Variants in GON4L observed in about 807,000 individuals in gnomAD.
The protein encoded by GON4L is GON-4-like protein.
In GON4L, 87 loss-of-function variants were observed where a neutral mutation model predicts 211.8. That is an observed-to-expected ratio of 0.41 (90% CI 0.35 to 0.49). The LOEUF is 0.49. Ranked by LOEUF, GON4L falls within the 20% of genes least tolerant of loss-of-function variation. The pLI is 0.15. For synonymous variants in GON4L, 875 were observed against 962.6 expected (o/e 0.91, Z 1.68); for missense variants, 2,155 against 2,659.5 (o/e 0.81, Z 4.17).
intron 11 of GON4L, among the ~76,000 whole-genome samples, chr1:155,802,440 C>T (rs892357778): frequency 6.6e-6 from 1 of 152,082 alleles, no homozygotes; most frequent in Non-Finnish European, 1.5e-5. Flanking sequence ...CCTACAGAAT[C>T]CAGCATATAG....
chr1:155,769,185 A>C (rs919998445), intron 19 of GON4L, among the ~76,000 whole-genome samples: 1 of 152,072 alleles, frequency 6.6e-6, no homozygotes, highest in Non-Finnish European at 1.5e-5. Context: ...CATATTGCCC[A>C]GGCTGGTCTT....
intron 24 of GON4L, among the ~76,000 whole-genome samples, chr1:155,759,056 G>A (rs1319875261): frequency 1.3e-5 from 2 of 152,010 alleles, no homozygotes; most frequent in African/African-American, 2.4e-5. Context: ...GAGTGTAGTG[G>A]AGCAATCATG....
intron 10 of GON4L, among the ~76,000 whole-genome samples, chr1:155,807,300 A>G (rs866000614): frequency 6.6e-6 from 1 of 152,108 alleles, no homozygotes; most frequent in African/African-American, 2.4e-5. Flanking sequence ...TGCAAGAGCC[A>G]ACGTGGGAGG....
At chr1:155,858,987 G>A (rs1672484955), upstream of GON4L, among the ~76,000 whole-genome samples, 1 of 152,062 alleles carries the variant, frequency 6.6e-6, no homozygotes, top group African/African-American at 2.4e-5. Flanking sequence ...GAGCCACCGT[G>A]CCCGGCTGTT....
At chr1:155,806,506 A>G (rs1185787894) in intron 10 of GON4L, among the ~76,000 whole-genome samples, 3 of 151,972 alleles carry the variant, frequency 2.0e-5, no homozygotes, top group African/African-American at 7.3e-5. Flanking sequence ...TGCCCAGGCA[A>G]GTTTCAAACT....
At position 155,811,391 on chromosome 1, in the gene GON4L, CAAAAAAAAAA is replaced by C. The variant is rs777417019; in HGVS notation, c.1452+2233_1452+2242del. Reference sequence around the variant, plus strand: ...TAGAGGACAGAGCAAGACTCCGTCTCAAAAAAAAAAAAAAAAAAAAAAAAAAGAAAGAATA... The same window carrying C: ...TAGAGGACAGAGCAAGACTCCGTCTCAAAAAAAAAAAAAAAAGAAAGAATA... On this transcript the variant is annotated intron_variant, in intron 10 of 31. Transcript: ENST00000368331. 3.0e-4 allele frequency among the ~76,000 whole-genome samples: 10 copies of C among 33,168 alleles called. No homozygotes were observed. In the East Asian group the frequency reaches 3.3e-3, roughly 11 times the overall value. The allele number at this position is 33,168 out of a possible 152,430, so 21.8% of individuals were successfully genotyped here. A position where few individuals can be genotyped will look rare whatever the true frequency, so the allele number is the denominator to read the frequency against.
At chr1:155,812,143 G>GGT (rs2102171261) in intron 10 of GON4L, among the ~76,000 whole-genome samples, 1 of 152,172 alleles carries the variant, frequency 6.6e-6, no homozygotes, top group Admixed American at 6.6e-5. Context: ...ACTTTACAAT[G>GGT]GGAAAACCAA....
chr1:155,760,536 T>G lies in GON4L; in HGVS notation c.5017A>C (p.Lys1673Gln). 6.2e-7 allele frequency: 1 copy of G among 1,613,408 alleles called. No individual in the cohort carries two copies. The change falls in exon 24 of 32, where the codon AAA (lysine) becomes CAA (glutamine). Residue 1673 changes from lysine (K) to glutamine (Q), a missense_variant. Lys to Gln is a moderately conservative substitution (Grantham distance 53). Transcript: ENST00000368331. ...TQRRTAVDLY[K>Q]SLQILLQDWP... ...TCTTGGAGCAGAATTTGCAGGCTTT[T>G]GTAGAGATCTACAGCCGTCCGTCTC...
intron 22 of GON4L, among the ~76,000 whole-genome samples, chr1:155,762,596 A>G (rs1425046225): frequency 6.6e-6 from 1 of 152,270 alleles, no homozygotes; most frequent in Non-Finnish European, 1.5e-5. Context: ...ATAATCAGCT[A>G]CTTCATATTG....
upstream of GON4L, chr1:155,857,251 C>T (rs1314051086): frequency 6.6e-6 from 1 of 152,456 alleles, no homozygotes; most frequent in Admixed American, 6.5e-5. Flanking sequence ...CTCGGAGCGC[C>T]GCGCCGCAGT....
At position 155,820,646 on chromosome 1, in the gene GON4L, A is replaced by AT. The variant is rs1334268798; in HGVS notation, c.973dup (p.Met325AsnfsTer5). 1 of 1,608,012 alleles carries AT rather than the reference A, an allele frequency of 6.2e-7. No individual in the cohort carries two copies. Among genetic ancestry groups the AT allele is most frequent in the Admixed American group, 1.7e-5 (1 of 59,984 alleles). On this transcript the variant is annotated frameshift_variant, in exon 6 of 32. Coordinates refer to ENST00000368331, the MANE Select transcript of GON4L (RefSeq NM_001282860.2). LOFTEE classifies it high-confidence loss of function. ...TACTTCCTTCAGTTTAGAGCGTGTC[A>AT]TTTTAGGCTCCTAAGGAGAAAAAAA...
rs185724953 is a variant in GON4L, at chr1:155,765,123, A to G, written c.4350T>C (p.Thr1450=). Residue 1450 remains threonine (T), a synonymous_variant, in exon 21 of 32, where the codon ACT becomes ACC. Transcript: ENST00000368331. ...QSVGTPVGPE[T]GGEKNGPEEE... ...CTTCTGGCCCATTCTTCTCTCCTCC[A>G]GTTTCTGGCCCAACTGGAGTCCCCA... 9.3e-6 allele frequency: 15 copies of G among 1,614,066 alleles called. No individual in the cohort carries two copies. The East Asian group carries it at 3.3e-4, about 36-fold the overall frequency.
In GON4L at chr1:155,750,009, A is replaced by C. The variant is rs1221875341; in HGVS notation, c.*575T>G. On this transcript the variant is annotated 3_prime_UTR_variant, in exon 32 of 32. Transcript: ENST00000368331. ...GGAAGCCTTGGCCAGAGACCTCACC[A>C]AACTCGACTTGCGGCGCTGGGCCAG... The C allele has an allele frequency of 7.1e-7, 1 of 1,411,004 alleles. No individual in the cohort carries two copies. Among genetic ancestry groups the C allele is most frequent in the African/African-American group, 1.7e-5 (1 of 58,812 alleles). The allele number at this position is 1,411,004 out of a possible 1,614,324, so 87.4% of individuals were successfully genotyped here. A position where few individuals can be genotyped will look rare whatever the true frequency, so the allele number is the denominator to read the frequency against.
Position 155,765,264 on chromosome 1 carries a change from C to A in GON4L, c.4209G>T (p.Gly1403=). 6.2e-7 allele frequency: 1 copy of A among 1,614,122 alleles called. No individual in the cohort carries two copies. Among genetic ancestry groups the A allele is most frequent in the Non-Finnish European group, 8.5e-7 (1 of 1,180,010 alleles). Residue 1403 remains glycine (G), a synonymous_variant, in exon 21 of 32, where the codon GGG becomes GGT. Transcript: ENST00000368331. ...TTGATGATCCTTTGTTCACATCTGT[C>A]CCTGAGGTTCCTTCATCAGGGGGCT... ...SQEPPDEGTS[G]TDVNKGSSKN...
At chr1:155,828,263 C>A (rs1482539981) in intron 2 of GON4L, among the ~76,000 whole-genome samples, 1 of 151,640 alleles carries the variant, frequency 6.6e-6, no homozygotes, top group Non-Finnish European at 1.5e-5. Context: ...CTGAGGCAGG[C>A]AGATCACTTG....
chr1:155,830,873 C>T (rs1285445056), intron 2 of GON4L, among the ~76,000 whole-genome samples: 2 of 152,184 alleles, frequency 1.3e-5, no homozygotes, highest in Admixed American at 1.3e-4. Context: ...GTGTGAACCA[C>T]CATGCCTGAC....
At chr1:155,810,169 T>C (rs1055837694) in intron 10 of GON4L, among the ~76,000 whole-genome samples, 2 of 150,656 alleles carry the variant, frequency 1.3e-5, no homozygotes, top group African/African-American at 4.9e-5. Context: ...CTAATTTTTG[T>C]ATTTTTAGTG....
Position 155,752,565 on chromosome 1 carries a change from C to G in GON4L, c.5868G>C (p.Leu1956Phe). Reference protein sequence around the residue: ...VSAGLAVGSTLPSPREVTVTE... With the variant: ...VSAGLAVGSTFPSPREVTVTE... ...TAACAGTCACTTCTCGAGGGGATGGCAAAGTGCTCCCCACTGCCAATCCTG... is the reference window on the plus strand; with the variant it reads ...TAACAGTCACTTCTCGAGGGGATGGGAAAGTGCTCCCCACTGCCAATCCTG... The change falls in exon 30 of 32, where the codon TTG becomes TTC. Residue 1956 changes from leucine to phenylalanine, a missense_variant. Transcript: ENST00000368331. The G allele has an allele frequency of 6.3e-7, 1 of 1,593,012 alleles. No individual in the cohort carries two copies.
At chr1:155,824,762 CAAAAAA>C (rs58791710) in intron 3 of GON4L, among the ~76,000 whole-genome samples, 1 of 52,084 alleles carries the variant, frequency 1.9e-5, no homozygotes, top group Admixed American at 2.2e-4. Context: ...GACTCTGTCG[CAAAAAA>C]AAAAAAAAAA....
Sources: gnomAD v4.1 joint callset for allele counts (sites outside exome capture counted in the v4.1 genomes callset) on GRCh38, gnomAD v4.1.1 for gene constraint, MANE v1.5 for transcripts, NCBI Gene and HGNC (gene_info 2026-07-23, HGNC 2026-07-21) for gene names.